The following DCC variants were observed in gnomAD, a reference collection of about 807,000 sequenced individuals.
The protein encoded by DCC is netrin receptor DCC.
Under a neutral mutation model 172.5 loss-of-function variants are expected in DCC, and 58 were observed. That is an observed-to-expected ratio of 0.34 (90% CI 0.27 to 0.42). The LOEUF (loss-of-function observed/expected upper bound fraction) is 0.42, where lower values mean the gene tolerates loss of function less well. Among genes scored for constraint, DCC ranks in the 10% least tolerant of loss-of-function variants. The pLI, the probability that DCC is intolerant of heterozygous loss-of-function variation, is 1.00. For missense variants in DCC, 1,740 were observed against 1,791.0 expected, an observed-to-expected ratio of 0.97 and a Z score of 0.51; for synonymous variants, 709 against 644.5, an observed-to-expected ratio of 1.10 and a Z score of -1.52.
intron 1 of DCC, among the ~76,000 whole-genome samples, chr18:52,449,155 C>A (rs1209016761): frequency 6.6e-6 from 1 of 152,166 alleles, no homozygotes; most frequent in Non-Finnish European, 1.5e-5. Context: ...ATAAAACCAT[C>A]AGATCTTGTG....
chr18:52,946,308 G>T (rs562286428), intron 5 of DCC, among the ~76,000 whole-genome samples: 1 of 152,280 alleles, frequency 6.6e-6, no homozygotes, highest in South Asian at 2.1e-4. Context: ...AGATTGAGTT[G>T]CATGATAAAC....
chr18:52,567,449 C>A (rs770600397), intron 1 of DCC, among the ~76,000 whole-genome samples: 4 of 152,068 alleles, frequency 2.6e-5, no homozygotes, highest in Admixed American at 6.6e-5. Context: ...GACATCCTGG[C>A]TCCATCATTT....
intron 1 of DCC, among the ~76,000 whole-genome samples, chr18:52,369,098 G>A (rs1985002178): frequency 6.6e-6 from 1 of 152,154 alleles, no homozygotes; most frequent in South Asian, 2.1e-4. Flanking sequence ...CGAAAAACCG[G>A]GAAGGAAATT....
At chr18:52,846,505 C>T (rs531587389) in intron 2 of DCC, among the ~76,000 whole-genome samples, 34 of 151,974 alleles carry the variant, frequency 2.2e-4, no homozygotes, top group African/African-American at 8.0e-4. Flanking sequence ...AGTCACTACA[C>T]TACAGCCTGG....
Position 53,533,265 on chromosome 18 carries a change from C to T in DCC, c.*2612C>T, listed in dbSNP as rs2046541698. 1.3e-5 allele frequency: 2 copies of T among 152,126 alleles called. No individual in the cohort carries two copies. Among genetic ancestry groups the T allele is most frequent in the Non-Finnish European group, 2.9e-5 (2 of 68,020 alleles). 9.4% of individuals were successfully genotyped at this position (152,126 alleles called of 1,614,324 possible). On this transcript the variant is annotated 3_prime_UTR_variant, in exon 29 of 29. Transcript: ENST00000442544. ...AAACCTGTGAATACTGCAAACTAGC[C>T]TCTGACTTCCTCCTACTGAGTCTAG...
chr18:53,351,411 ATATATACACACTGTG>A (rs1171623427), intron 15 of DCC, among the ~76,000 whole-genome samples: 426 of 7,784 alleles, frequency 0.055, 46 homozygotes, highest in East Asian at 0.34. Flanking sequence ...GTATATATAT[ATATATACACACTGTG>A]TATATATATA....
At chr18:52,953,644 T>A (rs1188378317) in intron 5 of DCC, among the ~76,000 whole-genome samples, 3 of 152,226 alleles carry the variant, frequency 2.0e-5, no homozygotes, top group Non-Finnish European at 4.4e-5. Context: ...AAGCATTGAC[T>A]ACGGCAGGCA....
At chr18:53,113,690 C>A (rs1031118329) in intron 7 of DCC, among the ~76,000 whole-genome samples, 141 of 134,578 alleles carry the variant, frequency 1.0e-3, no homozygotes, top group African/African-American at 4.0e-3. Context: ...AAAGCAAAAG[C>A]TTTTATTTTT....
At chr18:53,158,988 C>CAAAAAAAAAAAA (rs558049091) in intron 8 of DCC, among the ~76,000 whole-genome samples, 17 of 52,360 alleles carry the variant, frequency 3.2e-4, no homozygotes, top group African/African-American at 6.6e-4. Flanking sequence ...GACGCCATCT[C>CAAAAAAAAAAAA]AAAAAAAAAA....
chr18:53,208,932 T>A (rs1002214137), intron 11 of DCC, among the ~76,000 whole-genome samples: 2 of 152,158 alleles, frequency 1.3e-5, no homozygotes, highest in Non-Finnish European at 2.9e-5. Context: ...AGTTTCACCA[T>A]GCTGAGCAGG....
chr18:52,587,658 G>T (rs2033706320), intron 1 of DCC, among the ~76,000 whole-genome samples: 1 of 152,184 alleles, frequency 6.6e-6, no homozygotes. Flanking sequence ...ACAACCAGGT[G>T]CACTGCTCAA....
chr18:53,085,503 C>A (rs2042864891), intron 7 of DCC, among the ~76,000 whole-genome samples: 1 of 151,994 alleles, frequency 6.6e-6, no homozygotes, highest in Non-Finnish European at 1.5e-5. Flanking sequence ...AATAAGCTCC[C>A]CAAATCACCT....
chr18:53,339,893 C>G lies in DCC; in HGVS notation c.2345C>G (p.Ser782Cys). Reference protein sequence around the residue: ...VRVDSKQRYYSIERLESSSHY... With the variant: ...VRVDSKQRYYCIERLESSSHY... ...GTGGACAGCAAGCAGCGATATTATT[C>G]CATTGAGAGGTTAGGTGAGTATCTG... The change falls in exon 15 of 29, where the codon TCC (serine) becomes TGC (cysteine). Residue 782 changes from serine (S) to cysteine (C), a missense_variant. Physicochemically the swap from Ser to Cys is moderately radical, Grantham distance 112. Transcript: ENST00000442544. 1 of 1,613,256 alleles carries G rather than the reference C, an allele frequency of 6.2e-7. No homozygotes were observed. The highest frequency in any genetic ancestry group is 8.5e-7 in the Non-Finnish European group (1 of 1,179,562).
intron 2 of DCC, among the ~76,000 whole-genome samples, chr18:52,823,063 C>T (rs545334469): frequency 3.3e-5 from 5 of 152,250 alleles, no homozygotes; most frequent in South Asian, 4.1e-4. Flanking sequence ...AAACTATGAG[C>T]GAAAACGTGT....
chr18:52,512,932 C>A (rs1206214860), intron 1 of DCC, among the ~76,000 whole-genome samples: 1 of 152,058 alleles, frequency 6.6e-6, no homozygotes, highest in African/African-American at 2.4e-5. Context: ...TTAGGAAGGA[C>A]TGTGTGGCCT....
At chr18:53,169,271 T>C (rs1232123077) in intron 8 of DCC, among the ~76,000 whole-genome samples, 1 of 152,206 alleles carries the variant, frequency 6.6e-6, no homozygotes. Flanking sequence ...CCAAGACACT[T>C]TAATCAAGTA....
intron 1 of DCC, among the ~76,000 whole-genome samples, chr18:52,561,397 A>T (rs545327460): frequency 6.6e-6 from 1 of 151,808 alleles, no homozygotes; most frequent in Non-Finnish European, 1.5e-5. Flanking sequence ...ACACACACAC[A>T]TATATAAATA....
intron 25 of DCC, among the ~76,000 whole-genome samples, chr18:53,475,707 C>T (rs1341456015): frequency 3.3e-5 from 5 of 152,162 alleles, no homozygotes; most frequent in Non-Finnish European, 5.9e-5. Context: ...TCTGCTAGGG[C>T]AGTGCAGAAG....
At chr18:53,524,108 T>G (rs910032337) in intron 27 of DCC, among the ~76,000 whole-genome samples, 2 of 152,022 alleles carry the variant, frequency 1.3e-5, no homozygotes, top group Non-Finnish European at 2.9e-5. Flanking sequence ...TATTGTATAC[T>G]TAAAAATTGC....
Sources: gnomAD v4.1 joint callset for allele counts (sites outside exome capture counted in the v4.1 genomes callset) on GRCh38, gnomAD v4.1.1 for gene constraint, MANE v1.5 for transcripts, NCBI Gene and HGNC (gene_info 2026-07-23, HGNC 2026-07-21) for gene names.